Variants in PCDHGB2 observed in about 807,000 individuals in gnomAD.
PCDHGB2 encodes the protein protocadherin gamma-B2.
A neutral mutation model predicts 59.3 loss-of-function variants in PCDHGB2; 55 were observed. The ratio of observed to expected loss-of-function variants is 0.93; its 90% CI spans 0.75 to 1.16. The LOEUF (loss-of-function observed/expected upper bound fraction) is 1.16. PCDHGB2 is among the 50% of genes most tolerant of loss of function. The pLI, the probability that PCDHGB2 is intolerant of heterozygous loss-of-function variation, is 0.00. For missense variants in PCDHGB2, 1,228 were observed against 1,198.5 expected (o/e 1.02, Z -0.36); for synonymous variants, 516 against 512.0 (o/e 1.01, Z -0.11).
intron 2 of PCDHGB2, among the ~76,000 whole-genome samples, chr5:141,499,192 C>T (rs1048812227): frequency 1.1e-4 from 17 of 152,106 alleles, no homozygotes; most frequent in South Asian, 2.1e-4. Flanking sequence ...CCATTTCCCC[C>T]TTCTTAGGCT....
intron 1 of PCDHGB2, chr5:141,394,748 C>A: frequency 6.2e-7 from 1 of 1,613,414 alleles, no homozygotes. Flanking sequence ...TCGTGGTGGC[C>A]GTCCAGGACC....
intron 1 of PCDHGB2, chr5:141,422,627 C>T: frequency 6.2e-7 from 1 of 1,613,350 alleles, no homozygotes; most frequent in Non-Finnish European, 8.5e-7. Flanking sequence ...GAAAACAACC[C>T]CAGGGGTGCC....
chr5:141,376,682 T>TTTTTTGTTG lies in PCDHGB2; in HGVS notation c.2421+14131_2421+14132insGTTGTTTTT, dbSNP rs1554084782. On this transcript the variant is annotated intron_variant, in intron 1 of 3. Coordinates refer to ENST00000522605, the MANE Select transcript of PCDHGB2 (RefSeq NM_018923.3). ...TTGTTCAGGTGAGGGTATCGTTTTTTTTTTTTTTTTTTTTTGAGACGGAGT... is the reference window on the plus strand; with the variant it reads ...TTGTTCAGGTGAGGGTATCGTTTTTTTTTTTGTTGTTTTTTTTTTTTTTTGAGACGGAGT... The TTTTTTGTTG allele has an allele frequency of 3.8e-6, 3 of 786,082 alleles. No homozygotes were observed. In the African/African-American group the frequency reaches 5.8e-5, roughly 15 times the overall value. 48.7% of individuals were successfully genotyped at this position (786,082 alleles called of 1,614,324 possible). A position where few individuals can be genotyped will look rare whatever the true frequency, so the allele number is the denominator to read the frequency against.
chr5:141,458,165 A>T lies in PCDHGB2; in HGVS notation c.2422-36642A>T, dbSNP rs10075475. On this transcript the variant is annotated intron_variant, in intron 1 of 3. Coordinates refer to ENST00000522605, the MANE Select transcript of PCDHGB2 (RefSeq NM_018923.3). Reference sequence around the variant, plus strand: ...TGAACATGCTCCAAATTTTGTTCACAGTAGTATACCTTACTTGATTATTAA... The same window carrying T: ...TGAACATGCTCCAAATTTTGTTCACTGTAGTATACCTTACTTGATTATTAA... Among the ~76,000 whole-genome samples the T allele has an allele frequency of 2.4e-3, 368 of 152,356 alleles. 2 individuals carry two copies. The highest frequency in any genetic ancestry group is 8.5e-3 in the African/African-American group (354 of 41,588).
chr5:141,404,180 C>A (rs774534952), intron 1 of PCDHGB2: 10 of 1,613,196 alleles, frequency 6.2e-6, no homozygotes, highest in Non-Finnish European at 8.5e-6. Flanking sequence ...GGCCCAAATT[C>A]TTGACCGAGA....
At chr5:141,424,300 AAC>A (rs1370166165) in intron 1 of PCDHGB2, 2 of 152,504 alleles carry the variant, frequency 1.3e-5, no homozygotes, top group Non-Finnish European at 2.9e-5. Context: ...TCATCCTATC[AAC>A]ACAGACATAT....
At chr5:141,444,188 T>TTTTTTTTTTG (rs2098424052) in intron 1 of PCDHGB2, among the ~76,000 whole-genome samples, 1 of 129,374 alleles carries the variant, frequency 7.7e-6, no homozygotes, top group African/African-American at 3.1e-5. Flanking sequence ...TTTTTTTTTT[T>TTTTTTTTTTG]GAGATGGAGT....
At chr5:141,478,711 T>G (rs1420376406) in intron 1 of PCDHGB2, 1 of 1,547,346 alleles carries the variant, frequency 6.5e-7, no homozygotes. Context: ...CTTTGTGAGA[T>G]GGTGGCCTGC....
chr5:141,490,485 G>A lies in PCDHGB2; in HGVS notation c.2422-4322G>A. 3 of 1,614,202 alleles carry A rather than the reference G, an allele frequency of 1.9e-6. No individual in the cohort carries two copies. Among genetic ancestry groups the A allele is most frequent in the Middle Eastern group, 3.3e-4 (2 of 6,062 alleles). On this transcript the variant is annotated intron_variant, in intron 1 of 3. Coordinates refer to ENST00000522605, the MANE Select transcript of PCDHGB2 (RefSeq NM_018923.3). This position sits in a 1 kb window ranked among gnomAD's most constrained non-coding sequence, Gnocchi z 5.4. ...TAACCAGCCAGCCTTTGGACCGGGA[G>A]GCCACATCCCACTATATCATCGAGC... is the stretch of plus-strand genomic sequence containing the variant.
At chr5:141,402,682 T>A (rs1012328239) in intron 1 of PCDHGB2, among the ~76,000 whole-genome samples, 1 of 152,138 alleles carries the variant, frequency 6.6e-6, no homozygotes, top group East Asian at 1.9e-4. Context: ...CCATCTGATA[T>A]AATGTTACAC....
chr5:141,362,170 C>A lies in PCDHGB2; in HGVS notation c.2035C>A (p.Arg679=). ...GGTATTGCCAGACCTCAGCGACCGCCGGGAGCCCTCTGACCCCCAGGCAAA... is the reference window on the plus strand; with the variant it reads ...GGTATTGCCAGACCTCAGCGACCGCAGGGAGCCCTCTGACCCCCAGGCAAA... ...QEVLPDLSDR[R]EPSDPQAKLQ... is the part of the protein sequence containing the mutation. The change falls in exon 1 of 4, where the codon CGG becomes AGG. Residue 679 remains arginine, a synonymous_variant. Transcript: ENST00000522605. The A allele has an allele frequency of 6.2e-7, 1 of 1,614,036 alleles. No individual in the cohort carries two copies. The highest frequency in any genetic ancestry group is 8.5e-7 in the Non-Finnish European group (1 of 1,179,906).
intron 1 of PCDHGB2, chr5:141,388,084 G>A (rs2091232719): frequency 7.3e-7 from 1 of 1,364,538 alleles, no homozygotes; most frequent in Admixed American, 2.0e-5. Context: ...CGAAAACTGC[G>A]CGTCAGTTCG....
intron 1 of PCDHGB2, chr5:141,419,630 G>A (rs1484627772): frequency 6.2e-7 from 1 of 1,612,430 alleles, no homozygotes; most frequent in South Asian, 1.1e-5. Context: ...GGTGACCAAG[G>A]TGGTGGCCGT....
intron 1 of PCDHGB2, 129 bp from the exon 2 acceptor site, chr5:141,494,678 G>T: frequency 1.3e-6 from 2 of 1,554,384 alleles, no homozygotes; most frequent in East Asian, 4.7e-5. Flanking sequence ...GTCCACCCCT[G>T]CCCCCTCTTA....
Position 141,432,097 on chromosome 5 carries a change from C to T in PCDHGB2, c.2422-62710C>T, listed in dbSNP as rs1428283489. The stretch of plus-strand genomic sequence containing the variant: ...TCTCGCTGAACGTGGCAGACACCAA[C>T]GACAACCCGCCGGTCTTCCCTCAGG... On this transcript the variant is annotated intron_variant, in intron 1 of 3. Transcript: ENST00000522605. This position sits in a 1 kb window ranked among gnomAD's most constrained non-coding sequence, Gnocchi z 6.0. 6 of 1,614,066 alleles carry T rather than the reference C, an allele frequency of 3.7e-6. No individual in the cohort carries two copies. The highest frequency in any genetic ancestry group is 2.7e-5 in the African/African-American group (2 of 74,920).
In PCDHGB2 at chr5:141,394,244, C is replaced by T. The variant is rs371631729; in HGVS notation, c.2421+31688C>T. On this transcript the variant is annotated intron_variant, in intron 1 of 3. Coordinates refer to ENST00000522605, the MANE Select transcript of PCDHGB2 (RefSeq NM_018923.3). ...CCTCCATCTTTTCCTTGACTGCACA[C>T]GACCCCGACAGCCAGGAGAATGCCC... The T allele has an allele frequency of 1.5e-5, 25 of 1,613,938 alleles. No homozygotes were observed. In the African/African-American group the frequency reaches 2.3e-4, roughly 15 times the overall value.
chr5:141,361,548 C>A lies in PCDHGB2; in HGVS notation c.1413C>A (p.Ile471=), dbSNP rs374369531. The A allele has an allele frequency of 5.5e-5, 88 of 1,613,976 alleles. 1 individual carries two copies. Among genetic ancestry groups the A allele is most frequent in the South Asian group, 2.1e-4 (19 of 91,092 alleles). ...AGAACAATCCTCCTGGCGCCTCTAT[C>A]GCTCAAATCAGTGCCTCTGACCCTG... ...VAENNPPGAS[I]AQISASDPDL... is the part of the protein sequence containing the mutation. The change falls in exon 1 of 4, where the codon ATC becomes ATA. Residue 471 remains isoleucine, a synonymous_variant. Coordinates refer to ENST00000522605, the MANE Select transcript of PCDHGB2 (RefSeq NM_018923.3).
chr5:141,366,488 C>T, intron 1 of PCDHGB2: 5 of 1,614,264 alleles, frequency 3.1e-6, no homozygotes, highest in Non-Finnish European at 4.2e-6. Flanking sequence ...GAGGCGCTGG[C>T]ACAAGTCACG....
At chr5:141,447,023 G>GTT (rs5871773) in intron 1 of PCDHGB2, among the ~76,000 whole-genome samples, 2,010 of 151,524 alleles carry the variant, frequency 0.013, 40 homozygotes, top group African/African-American at 0.047. Context: ...GTTTTGTTTT[G>GTT]TTTTTTTTCT....
Sources: allele counts gnomAD v4.1 joint callset (sites outside exome capture counted in the v4.1 genomes callset), GRCh38; gene constraint gnomAD v4.1.1; non-coding constraint Gnocchi (gnomAD v3.1); transcripts MANE v1.5; gene names NCBI Gene and HGNC (gene_info 2026-07-23, HGNC 2026-07-21).